The following TMEM164 variants were observed in gnomAD, a reference collection of about 807,000 sequenced individuals.
The protein encoded by TMEM164 is transmembrane protein 164, also known as RP13-360B22.2.
TMEM164 carries 4 observed loss-of-function variants against 18.8 expected under a neutral mutation model. That is an observed-to-expected ratio of 0.21 (90% CI 0.10 to 0.49). The LOEUF is 0.49. TMEM164 is among the 20% of genes least tolerant of loss of function. The pLI, the probability that TMEM164 is intolerant of heterozygous loss-of-function variation, is 0.98. For synonymous variants in TMEM164, 86 were observed against 101.7 expected (o/e 0.85, Z 0.93); for missense variants, 108 against 239.9 (o/e 0.45, Z 3.63).
At position 110,176,075 on chromosome X, in the gene TMEM164, G is replaced by C. The variant is rs2067285955; in HGVS notation, c.*2624G>C. 2 of 755,456 alleles carry C rather than the reference G, an allele frequency of 2.6e-6. No individual in the cohort carries two copies. The highest frequency in any genetic ancestry group is 1.6e-6 in the Non-Finnish European group (1 of 639,596). The allele number at this position is 755,456 out of a possible 1,213,427, so 62.3% of individuals were successfully genotyped here. ...CAGTGCCAAGCCAGTTCCCCAGCCA[G>C]GTTTCCGTGTGCCATTTGCCAGCGT... On this transcript the variant is annotated 3_prime_UTR_variant, in exon 7 of 7. Coordinates refer to ENST00000372068, the MANE Select transcript of TMEM164 (RefSeq NM_032227.4).
intron 2 of TMEM164, among the ~76,000 whole-genome samples, chrX:110,029,049 A>G (rs1025741375): frequency 9.0e-6 from 1 of 111,549 alleles, no homozygotes; most frequent in Non-Finnish European, 1.9e-5. Context: ...TCTACATGCT[A>G]TAAGGGTGGC....
chrX:110,126,938 T>C (rs1268745952), intron 4 of TMEM164, among the ~76,000 whole-genome samples: 10 of 108,172 alleles, frequency 9.2e-5, no homozygotes, highest in Admixed American at 9.0e-4. Flanking sequence ...AGAAGGTCAA[T>C]TTGTAGGTCA....
At position 110,020,968 on chromosome X, in the gene TMEM164, TAAAAA is replaced by T. The variant is rs147367236; in HGVS notation, c.390+16827_390+16831del. 2.3e-4 allele frequency among the ~76,000 whole-genome samples: 10 copies of T among 43,640 alleles called. No homozygotes were observed. In the South Asian group the frequency reaches 0.014, roughly 63 times the overall value. 37.9% of individuals were successfully genotyped at this position (43,640 alleles called of 115,157 possible). A position where few individuals can be genotyped will look rare whatever the true frequency, so the allele number is the denominator to read the frequency against. ...TATGTATGAGAGAAACCCCTTTTTC[TAAAAA>T]AAAAAAAAAAAAAAAAAAAAAAGCC... is the stretch of plus-strand genomic sequence containing the variant. On this transcript the variant is annotated intron_variant, in intron 2 of 6. Transcript: ENST00000372068.
chrX:110,055,319 C>T lies in TMEM164; in HGVS notation c.391-12028C>T, dbSNP rs192395999. 3.7e-4 allele frequency: 141 copies of T among 381,781 alleles called. 1 individual carries two copies. The highest frequency in any genetic ancestry group is 3.4e-3 in the African/African-American group (131 of 38,963). The allele number at this position is 381,781 out of a possible 1,213,427, so 31.5% of individuals were successfully genotyped here. On this transcript the variant is annotated intron_variant, in intron 2 of 6. Transcript: ENST00000372068. ...CTCAAACACTAGGAATGTTTCCAAG[C>T]AGGGCCGCCACGAATGGCTATGCAC...
At chrX:110,058,033 T>A (rs1392742567) in intron 2 of TMEM164, among the ~76,000 whole-genome samples, 2 of 111,800 alleles carry the variant, frequency 1.8e-5, no homozygotes, top group Non-Finnish European at 3.8e-5. Flanking sequence ...CAAGACCAAT[T>A]TCAAGAAGTT....
chrX:110,003,004 A>G (rs1602452539), upstream of TMEM164: 1 of 70,215 alleles, frequency 1.4e-5, no homozygotes, highest in Non-Finnish European at 2.9e-5. Context: ...TGCTGCCCGG[A>G]GGGCGGGCGT....
chrX:110,041,615 T>C (rs973122434), intron 2 of TMEM164, among the ~76,000 whole-genome samples: 2 of 111,912 alleles, frequency 1.8e-5, no homozygotes, highest in Admixed American at 9.5e-5. Context: ...CAACTGAATA[T>C]TTCTAAATGA....
intron 3 of TMEM164, among the ~76,000 whole-genome samples, chrX:110,108,123 TGTGA>T (rs2066237628): frequency 9.6e-6 from 1 of 104,188 alleles, no homozygotes; most frequent in Non-Finnish European, 2.0e-5. Context: ...TGTGTGTGTG[TGTGA>T]TTGAGATTGA....
At chrX:110,039,749 A>G (rs766854328) in intron 2 of TMEM164, among the ~76,000 whole-genome samples, 1 of 112,597 alleles carries the variant, frequency 8.9e-6, no homozygotes, top group Non-Finnish European at 1.9e-5. Flanking sequence ...TAATCTTCAG[A>G]AATAACACCA....
rs761396873 is a variant in TMEM164, at chrX:110,118,350, C to CT, written c.507+9210dup. On this transcript the variant is annotated intron_variant, in intron 4 of 6. Coordinates refer to ENST00000372068, the MANE Select transcript of TMEM164 (RefSeq NM_032227.4). ...TATTCTCTGTGGGTAAGGACAGTGT[C>CT]TTTTTTCTTTCAAGTGAGCAGTTTA... is the stretch of plus-strand genomic sequence containing the variant. Among the ~76,000 whole-genome samples the CT allele has an allele frequency of 3.6e-5, 4 of 111,698 alleles. No individual in the cohort carries two copies. The South Asian group carries it at 1.5e-3, about 42-fold the overall frequency.
chrX:110,128,963 T>C (rs2066573963), intron 4 of TMEM164, among the ~76,000 whole-genome samples: 1 of 111,877 alleles, frequency 8.9e-6, no homozygotes, highest in Admixed American at 9.5e-5. Context: ...TAAATATTAT[T>C]ATTTTTGTTG....
Position 110,055,330 on chromosome X carries a change from C to T in TMEM164, c.391-12017C>T, listed in dbSNP as rs184631864. 1.8e-3 allele frequency: 680 copies of T among 381,842 alleles called. 2 individuals are homozygous for T. Among genetic ancestry groups the T allele is most frequent in the African/African-American group, 0.014 (556 of 38,952 alleles). 31.5% of individuals were successfully genotyped at this position (381,842 alleles called of 1,213,427 possible). ...GGAATGTTTCCAAGCAGGGCCGCCA[C>T]GAATGGCTATGCACTGCACAACCCT... On this transcript the variant is annotated intron_variant, in intron 2 of 6. Transcript: ENST00000372068.
chrX:110,034,639 A>C (rs1363892934), intron 2 of TMEM164, among the ~76,000 whole-genome samples: 1 of 111,305 alleles, frequency 9.0e-6, no homozygotes, highest in Non-Finnish European at 1.9e-5. Context: ...AAACTAGTTC[A>C]ACCATTGTGG....
intron 5 of TMEM164, among the ~76,000 whole-genome samples, chrX:110,146,438 G>T (rs964474318): frequency 1.8e-5 from 2 of 112,262 alleles, no homozygotes; most frequent in African/African-American, 6.5e-5. Context: ...TAAGATAATT[G>T]TATCTCCTTA....
At chrX:110,164,205 G>C (rs2067130110) in intron 5 of TMEM164, among the ~76,000 whole-genome samples, 1 of 111,868 alleles carries the variant, frequency 8.9e-6, no homozygotes, top group African/African-American at 3.3e-5. Flanking sequence ...GGCAGAGGAG[G>C]AGCTTTGGAT....
At chrX:110,089,077 A>T (rs1163207217) in intron 3 of TMEM164, among the ~76,000 whole-genome samples, 2 of 112,093 alleles carry the variant, frequency 1.8e-5, no homozygotes, top group Middle Eastern at 4.2e-3. Flanking sequence ...GGCAAGTTAG[A>T]TAGGAGCTGT....
intron 2 of TMEM164, among the ~76,000 whole-genome samples, chrX:110,005,144 A>C (rs1009734247): frequency 1.9e-4 from 21 of 112,187 alleles, no homozygotes; most frequent in African/African-American, 6.5e-4. Flanking sequence ...ATTCAGGGGC[A>C]GTTTTGAAAC....
chrX:110,124,474 C>T (rs1319587904), intron 4 of TMEM164, among the ~76,000 whole-genome samples: 2 of 110,762 alleles, frequency 1.8e-5, no homozygotes, highest in Non-Finnish European at 3.8e-5. Flanking sequence ...TGAACTGAGA[C>T]TTTAGGGCAA....
rs1363556699 is a variant in TMEM164 at position 110,147,820 on chromosome X, G to A, written c.586+2944G>A. ...GCATTCCCTTCTTTTCAGCCACCAG[G>A]ACCTTGTTTTCCCGTAAAGCTCCTC... On this transcript the variant is annotated intron_variant, in intron 5 of 6. Transcript: ENST00000372068. Among the ~76,000 whole-genome samples the A allele has an allele frequency of 7.2e-5, 8 of 110,508 alleles. No individual in the cohort carries two copies. In the South Asian group the frequency reaches 1.9e-3, roughly 26 times the overall value.
Sources: allele counts gnomAD v4.1 joint callset (sites outside exome capture counted in the v4.1 genomes callset), GRCh38; gene constraint gnomAD v4.1.1; transcripts MANE v1.5; gene names NCBI Gene and HGNC (gene_info 2026-07-23, HGNC 2026-07-21).